CNTRL: variants seen among roughly 807,000 people sequenced by gnomAD.
CNTRL encodes 110 kDa centrosomal protein.
A neutral mutation model predicts 303.7 loss-of-function variants in CNTRL; 233 were observed. The observed-to-expected ratio is 0.77, with a 90% CI of 0.69 to 0.86. The LOEUF (loss-of-function observed/expected upper bound fraction) is 0.86. Ranked by LOEUF, CNTRL falls within the 40% of genes least tolerant of loss-of-function variation. CNTRL has a pLI of 0.00. For synonymous variants in CNTRL, 900 were observed against 922.2 expected, an observed-to-expected ratio of 0.98 and a Z score of 0.44; for missense variants, 2,524 against 2,650.6, an observed-to-expected ratio of 0.95 and a Z score of 1.05.
In CNTRL at chr9:121,175,072, C is replaced by T. The variant is rs779924679; in HGVS notation, c.6802C>T (p.Arg2268Trp). ...KQAEVLIKGK[R>W]QTEGTLHSLR... ...AGCAGAAGTATTAATTAAAGGAAAG[C>T]GGCAGACAGAGGGCACTTTACACAG... The change falls in exon 43 of 44, where the codon CGG (arginine) becomes TGG (tryptophan). Residue 2268 changes from arginine (R) to tryptophan (W), a missense_variant. Transcript: ENST00000373855. 91 of 1,613,660 alleles carry T rather than the reference C, an allele frequency of 5.6e-5. No homozygotes were observed. Among genetic ancestry groups the T allele is most frequent in the East Asian group, 1.1e-4 (5 of 44,864 alleles).
chr9:121,135,730 A>G (rs1227945607), intron 14 of CNTRL, 76 bp from the exon 15 acceptor site: 11 of 1,384,012 alleles, frequency 7.9e-6, no homozygotes, highest in African/African-American at 4.3e-5. Context: ...ACAGTGCTCA[A>G]GTTACTTATA....
At chr9:121,119,693 T>G (rs2050145645) in intron 12 of CNTRL, among the ~76,000 whole-genome samples, 1 of 151,434 alleles carries the variant, frequency 6.6e-6, no homozygotes. Context: ...ATGGGGTTTC[T>G]CCATGTTGCT....
At chr9:121,154,971 C>A in intron 27 of CNTRL, 58 bp downstream of exon 27, 1 of 1,402,348 alleles carries the variant, frequency 7.1e-7, no homozygotes, top group Non-Finnish European at 1.0e-6. Context: ...GCTTACTGTC[C>A]ACCTGAAGGA....
At position 121,142,246 on chromosome 9, in the gene CNTRL, C is replaced by T; in HGVS notation, c.2847C>T (p.Ala949=). Residue 949 remains alanine (A), a synonymous_variant, in exon 19 of 44, where the codon GCC becomes GCT. Transcript: ENST00000373855. ...EADEEKERIL[A]QLRELEKKKK... ...ATGAAGAGAAGGAGAGAATTCTGGCCCAACTCCGAGAGTTAGAGAAAAAGG... is the reference window on the plus strand; with the variant it reads ...ATGAAGAGAAGGAGAGAATTCTGGCTCAACTCCGAGAGTTAGAGAAAAAGG... 1.9e-6 allele frequency: 3 copies of T among 1,603,302 alleles called. No homozygotes were observed. Among genetic ancestry groups the T allele is most frequent in the African/African-American group, 1.4e-5 (1 of 74,034 alleles).
intron 37 of CNTRL, 80 bp downstream of exon 37, chr9:121,167,757 C>A: frequency 7.9e-7 from 1 of 1,271,142 alleles, no homozygotes; most frequent in Non-Finnish European, 1.1e-6. Flanking sequence ...CAGAAAGCTG[C>A]TGAGAAATAT....
intron 14 of CNTRL, among the ~76,000 whole-genome samples, chr9:121,134,970 A>G (rs762652338): frequency 2.6e-5 from 4 of 152,334 alleles, no homozygotes; most frequent in Non-Finnish European, 4.4e-5. Context: ...TGTAGTATCT[A>G]TATTTTAAAC....
intron 19 of CNTRL, among the ~76,000 whole-genome samples, chr9:121,142,682 C>T (rs1019023604): frequency 1.3e-5 from 2 of 152,184 alleles, no homozygotes; most frequent in Non-Finnish European, 2.9e-5. Context: ...CTCCCATTGT[C>T]ACATTCTGGA....
rs539078077 is a variant in CNTRL at position 121,129,758 on chromosome 9, A to G, written c.2025+3822A>G. Among the ~76,000 whole-genome samples the G allele has an allele frequency of 7.2e-5, 11 of 152,244 alleles. No homozygotes were observed. The East Asian group carries it at 1.7e-3, about 24-fold the overall frequency. On this transcript the variant is annotated intron_variant, in intron 14 of 43. Transcript: ENST00000373855. ...CCAGTTTTTGCCCATTCAGTATGATATTGGCTGTGGGTTTGTCATAAATAG... is the reference window on the plus strand; with the variant it reads ...CCAGTTTTTGCCCATTCAGTATGATGTTGGCTGTGGGTTTGTCATAAATAG...
Position 121,140,747 on chromosome 9 carries a change from A to G in CNTRL, c.2444A>G (p.Glu815Gly), listed in dbSNP as rs2051461924. Residue 815 changes from glutamate (E) to glycine (G), a missense_variant, in exon 17 of 44, where the codon GAG (glutamate) becomes GGG (glycine). Glu to Gly is a moderately conservative substitution (Grantham distance 98, BLOSUM62 -2). Transcript: ENST00000373855. Reference sequence around the variant, plus strand: ...GAAGAAGTGGCAGCTCGTGTGGATGAGCTAAGAAGAAAACTGAAATTAGGA... The same window carrying G: ...GAAGAAGTGGCAGCTCGTGTGGATGGGCTAAGAAGAAAACTGAAATTAGGA... Reference protein sequence around the residue: ...RPEEVAARVDELRRKLKLGTG... With the variant: ...RPEEVAARVDGLRRKLKLGTG... 2 of 1,613,198 alleles carry G rather than the reference A, an allele frequency of 1.2e-6. No individual in the cohort carries two copies. The highest frequency in any genetic ancestry group is 1.7e-6 in the Non-Finnish European group (2 of 1,179,332).
chr9:121,117,218 G>T (rs1030896839), intron 11 of CNTRL, among the ~76,000 whole-genome samples: 8 of 152,204 alleles, frequency 5.3e-5, no homozygotes, highest in African/African-American at 1.7e-4. Flanking sequence ...GCTGTATTTT[G>T]AAATTATTTA....
In CNTRL at chr9:121,120,608, C is replaced by A. The variant is rs183402856; in HGVS notation, c.1650+2068C>A. 1.4e-3 allele frequency among the ~76,000 whole-genome samples: 211 copies of A among 152,254 alleles called. 1 individual carries two copies. The Middle Eastern group carries it at 0.017, about 12-fold the overall frequency. ...GAAGGAAGCAGCTTATAGATCCTAC[C>A]CAAAACTCCTTTGCTTCCCCTTCCA... On this transcript the variant is annotated intron_variant, in intron 12 of 43. Coordinates refer to ENST00000373855, the MANE Select transcript of CNTRL (RefSeq NM_007018.6).
At chr9:121,167,348 C>T in intron 36 of CNTRL, 141 bp from the exon 37 acceptor site, 2 of 674,836 alleles carry the variant, frequency 3.0e-6, no homozygotes, top group Non-Finnish European at 4.9e-6. Context: ...TTCTCTTGTA[C>T]CTGTAAGTTT....
intron 2 of CNTRL, among the ~76,000 whole-genome samples, chr9:121,087,227 C>G (rs1363085366): frequency 1.3e-5 from 2 of 152,056 alleles, no homozygotes; most frequent in Non-Finnish European, 2.9e-5. Flanking sequence ...TTGGCTTATT[C>G]CAGCGAGCAG....
chr9:121,108,202 G>A (rs891865928), intron 8 of CNTRL, among the ~76,000 whole-genome samples: 2 of 152,150 alleles, frequency 1.3e-5, no homozygotes, highest in African/African-American at 2.4e-5. Context: ...GCTGCATTAT[G>A]TACTCCTAGA....
intron 38 of CNTRL, 103 bp from the exon 39 acceptor site, chr9:121,169,508 T>C: frequency 1.8e-6 from 2 of 1,097,952 alleles, no homozygotes; most frequent in Admixed American, 3.8e-5. Context: ...AGCACCTGCA[T>C]GGGTAGCATA....
chr9:121,096,587 AT>A, intron 6 of CNTRL, 24 bp downstream of exon 6: 1 of 1,392,842 alleles, frequency 7.2e-7, no homozygotes, highest in Non-Finnish European at 9.4e-7. Flanking sequence ...AATAGCAGGA[AT>A]TTTTAGACTT....
At chr9:121,122,643 C>G (rs1022636007) in intron 12 of CNTRL, among the ~76,000 whole-genome samples, 61 of 152,096 alleles carry the variant, frequency 4.0e-4, no homozygotes, top group Admixed American at 4.0e-3. Flanking sequence ...TATTTTGTCT[C>G]CATATGAACA....
In CNTRL at chr9:121,094,978, T is replaced by C. The variant is rs532825951; in HGVS notation, c.439T>C (p.Leu147=). ...IGKIEKLDKL[L]KLRELNLSYN... ...GAAGATTGAAAAGTTGGACAAGCTG[T>C]TAAAATTACGTGAACTCAACTTATC... Residue 147 remains leucine (L), a synonymous_variant, in exon 5 of 44, where the codon TTA becomes CTA. Transcript: ENST00000373855. 55 of 1,608,548 alleles carry C rather than the reference T, an allele frequency of 3.4e-5. No individual in the cohort carries two copies. In the South Asian group the frequency reaches 5.5e-4, roughly 16 times the overall value.
intron 11 of CNTRL, among the ~76,000 whole-genome samples, 184 bp from the exon 12 acceptor site, chr9:121,118,162 G>T (rs1227756511): frequency 1.3e-5 from 2 of 151,994 alleles, no homozygotes; most frequent in East Asian, 3.8e-4. Flanking sequence ...TATAAAGTAT[G>T]ATTTTCTACA....
Sources: gnomAD v4.1 joint callset for allele counts (sites outside exome capture counted in the v4.1 genomes callset) on GRCh38, gnomAD v4.1.1 for gene constraint, MANE v1.5 for transcripts, NCBI Gene and HGNC (gene_info 2026-07-23, HGNC 2026-07-21) for gene names.